The following FOXO1 variants were observed in gnomAD, a reference collection of about 807,000 sequenced individuals.
FOXO1 encodes the protein forkhead box protein O1.
FOXO1 carries 6 observed loss-of-function variants against 44.1 expected under a neutral mutation model. The observed-to-expected ratio is 0.14, with a 90% CI of 0.07 to 0.27. FOXO1 has a LOEUF of 0.27. FOXO1 is among the 10% of genes least tolerant of loss of function. The probability of loss-of-function intolerance (pLI) is 1.00; values close to 1 mark genes in which losing one functional copy is unlikely to be tolerated. For synonymous variants in FOXO1, 380 were observed against 362.7 expected, an observed-to-expected ratio of 1.05 and a Z score of -0.54; for missense variants, 737 against 888.8, an observed-to-expected ratio of 0.83 and a Z score of 2.17.
At chr13:40,663,792 A>ATGAATCT (rs1359198496) in intron 1 of FOXO1, among the ~76,000 whole-genome samples, 2 of 152,234 alleles carry the variant, frequency 1.3e-5, no homozygotes, top group African/African-American at 4.8e-5. Flanking sequence ...AAAAAATAAA[A>ATGAATCT]TGAATCTTGA....
Position 40,666,525 on chromosome 13 carries a change from C to A in FOXO1, c.-313G>T. Reference sequence around the variant, plus strand: ...ACAGGGCCGCGGACGGAAGGACGGACGGACGCCGCGGGCCGCTTGCTCTCC... The same window carrying A: ...ACAGGGCCGCGGACGGAAGGACGGAAGGACGCCGCGGGCCGCTTGCTCTCC... On this transcript the variant is annotated 5_prime_UTR_variant, in exon 1 of 3. Coordinates refer to ENST00000379561, the MANE Select transcript of FOXO1 (RefSeq NM_002015.4). The A allele has an allele frequency of 3.5e-6, 1 of 283,400 alleles. No individual in the cohort carries two copies. The highest frequency in any genetic ancestry group is 6.6e-6 in the Non-Finnish European group (1 of 151,768). The allele number at this position is 283,400 out of a possible 1,614,324, so 17.6% of individuals were successfully genotyped here.
intron 1 of FOXO1, among the ~76,000 whole-genome samples, chr13:40,663,304 A>G (rs905587779): frequency 3.3e-5 from 5 of 152,270 alleles, no homozygotes; most frequent in African/African-American, 1.2e-4. Flanking sequence ...ATCAGAATCT[A>G]TTTTTTAAAA....
chr13:40,620,013 T>C, intron 1 of FOXO1: 1 of 764,930 alleles, frequency 1.3e-6, no homozygotes. Flanking sequence ...TTTGTCATAA[T>C]TCACAAAGGG....
At chr13:40,574,673 TG>T (rs1002629924) in intron 1 of FOXO1, among the ~76,000 whole-genome samples, 3 of 152,194 alleles carry the variant, frequency 2.0e-5, no homozygotes, top group African/African-American at 7.2e-5. Context: ...ATGTAGTCTC[TG>T]GTATTTCAAT....
intron 1 of FOXO1, among the ~76,000 whole-genome samples, chr13:40,645,235 GC>G (rs1266059624): frequency 1.3e-5 from 2 of 152,210 alleles, no homozygotes; most frequent in African/African-American, 4.8e-5. Context: ...ACTATCAGCT[GC>G]CAGAAAAACT....
At chr13:40,646,735 A>G (rs1033246889) in intron 1 of FOXO1, among the ~76,000 whole-genome samples, 1 of 152,140 alleles carries the variant, frequency 6.6e-6, no homozygotes, top group Admixed American at 6.5e-5. Context: ...CCGGGATTAC[A>G]GACATGTGCC....
chr13:40,577,187 C>T (rs1874787082), intron 1 of FOXO1, among the ~76,000 whole-genome samples: 1 of 118,606 alleles, frequency 8.4e-6, no homozygotes, highest in East Asian at 2.6e-4. Context: ...ATGTGAAAGG[C>T]ATGATTACCC....
intron 1 of FOXO1, among the ~76,000 whole-genome samples, chr13:40,632,130 G>A (rs1467710688): frequency 6.6e-6 from 1 of 152,128 alleles, no homozygotes; most frequent in East Asian, 1.9e-4. Flanking sequence ...AATTAGCCAG[G>A]TGTGGTGGCA....
intron 1 of FOXO1, among the ~76,000 whole-genome samples, chr13:40,565,635 C>T (rs374733112): frequency 1.3e-5 from 2 of 152,214 alleles, no homozygotes; most frequent in Non-Finnish European, 2.9e-5. Context: ...TGTATCCTCA[C>T]AGCACCAACA....
chr13:40,584,647 TCAAA>T (rs1875088185), intron 1 of FOXO1, among the ~76,000 whole-genome samples: 2 of 152,144 alleles, frequency 1.3e-5, no homozygotes, highest in Admixed American at 6.6e-5. Context: ...AGACCCCATC[TCAAA>T]CAAACATTAT....
chr13:40,575,942 A>T (rs1487613771), intron 1 of FOXO1, among the ~76,000 whole-genome samples: 2 of 152,242 alleles, frequency 1.3e-5, no homozygotes, highest in African/African-American at 4.8e-5. Context: ...CAATGTTGAC[A>T]GACAAACTAT....
At position 40,631,948 on chromosome 13, in the gene FOXO1, TA is replaced by T. The variant is rs907310796; in HGVS notation, c.630+33634del. Among the ~76,000 whole-genome samples the T allele has an allele frequency of 2.6e-5, 4 of 152,092 alleles. No individual in the cohort carries two copies. The South Asian group carries it at 8.3e-4, about 32-fold the overall frequency. On this transcript the variant is annotated intron_variant, in intron 1 of 2. Coordinates refer to ENST00000379561, the MANE Select transcript of FOXO1 (RefSeq NM_002015.4). ...TTTATGTATATTTTACCACAAATTT[TA>T]AAAAAATAGGACACTACCTCCAAAA...
chr13:40,565,809 A>G (rs920650763), intron 1 of FOXO1, among the ~76,000 whole-genome samples: 1 of 152,244 alleles, frequency 6.6e-6, no homozygotes, highest in South Asian at 2.1e-4. Flanking sequence ...ATAAAATAAC[A>G]TATGTCTGTG....
chr13:40,652,280 C>T (rs1877709937), intron 1 of FOXO1, among the ~76,000 whole-genome samples: 2 of 151,106 alleles, frequency 1.3e-5, no homozygotes, highest in Admixed American at 6.6e-5. Context: ...GTGTAACAAA[C>T]TGGTGATTCT....
At chr13:40,565,769 A>G (rs1874245513) in intron 1 of FOXO1, among the ~76,000 whole-genome samples, 1 of 152,246 alleles carries the variant, frequency 6.6e-6, no homozygotes, top group South Asian at 2.1e-4. Context: ...AGCTAATGTT[A>G]CTGTTATCAC....
intron 1 of FOXO1, among the ~76,000 whole-genome samples, chr13:40,607,446 A>C (rs1402649435): frequency 1.3e-5 from 2 of 149,532 alleles, no homozygotes; most frequent in Admixed American, 6.7e-5. Flanking sequence ...TTCCCCTACT[A>C]ATTTCCCACT....
chr13:40,656,339 T>G (rs978426707), intron 1 of FOXO1, among the ~76,000 whole-genome samples: 1 of 152,246 alleles, frequency 6.6e-6, no homozygotes. Context: ...CATAATTGCC[T>G]TAAGTATATT....
At chr13:40,574,006 T>C (rs1267098743) in intron 1 of FOXO1, among the ~76,000 whole-genome samples, 3 of 152,244 alleles carry the variant, frequency 2.0e-5, no homozygotes, top group Non-Finnish European at 4.4e-5. Context: ...TTAGTCCTCA[T>C]TGTTTCAGCG....
intron 1 of FOXO1, among the ~76,000 whole-genome samples, chr13:40,585,240 CA>C (rs1447641504): frequency 1.3e-5 from 2 of 152,018 alleles, no homozygotes; most frequent in Non-Finnish European, 2.9e-5. Flanking sequence ...AAAACAGAAG[CA>C]AGAGTTAAGA....
Sources: allele counts gnomAD v4.1 joint callset (sites outside exome capture counted in the v4.1 genomes callset), GRCh38; gene constraint gnomAD v4.1.1; transcripts MANE v1.5; gene names NCBI Gene and HGNC (gene_info 2026-07-23, HGNC 2026-07-21).